The following ZNF875 variants were observed in gnomAD, a reference collection of about 807,000 sequenced individuals.
ZNF875 encodes zinc finger protein 875.
ZNF875 carries 14 observed loss-of-function variants against 11.2 expected under a neutral mutation model. That is an observed-to-expected ratio of 1.26 (90% CI 0.83 to 1.96). The LOEUF (loss-of-function observed/expected upper bound fraction) is 1.96. Ranked by LOEUF, ZNF875 falls within the 30% of genes most tolerant of loss-of-function variation. The probability of loss-of-function intolerance (pLI) is 0.00; values close to 1 mark genes in which losing one functional copy is unlikely to be tolerated. For missense variants in ZNF875, 752 were observed against 760.4 expected (o/e 0.99, Z 0.13); for synonymous variants, 301 against 281.1 (o/e 1.07, Z -0.71).
intron 2 of ZNF875, among the ~76,000 whole-genome samples, chr19:37,343,110 G>A (rs888967985): frequency 2.0e-5 from 3 of 152,084 alleles, no homozygotes; most frequent in Admixed American, 6.6e-5. Context: ...AGGCCGAGGC[G>A]GGCGGATCAT....
chr19:37,333,125 G>C (rs2033658182), upstream of ZNF875, among the ~76,000 whole-genome samples: 1 of 152,032 alleles, frequency 6.6e-6, no homozygotes, highest in Non-Finnish European at 1.5e-5. Flanking sequence ...GTTACATTAT[G>C]TTTGATTTAT....
In ZNF875 at chr19:37,363,401, G is replaced by T. The variant is rs374237980; in HGVS notation, c.1549G>T (p.Asp517Tyr). Residue 517 changes from aspartate to tyrosine, a missense_variant, in exon 5 of 5, where the codon GAT becomes TAT. Coordinates refer to ENST00000392153, the MANE Select transcript of ZNF875 (RefSeq NM_001353803.2). ...TGCTGAGTGTGGACGAGGCTTTAAT[G>T]ATAAGTCCACCCTCATTTCACACCA... is the stretch of plus-strand genomic sequence containing the variant. ...VCAECGRGFN[D>Y]KSTLISHQRT... 5.1e-5 allele frequency: 83 copies of T among 1,612,704 alleles called. No individual in the cohort carries two copies. Among genetic ancestry groups the T allele is most frequent in the Middle Eastern group, 3.3e-4 (2 of 6,054 alleles).
At chr19:37,339,338 T>G (rs988571638) in intron 2 of ZNF875, among the ~76,000 whole-genome samples, 15 of 152,138 alleles carry the variant, frequency 9.9e-5, no homozygotes, top group Admixed American at 2.0e-4. Context: ...AGTAATCCAT[T>G]GAATGGATGA....
At position 37,363,556 on chromosome 19, in the gene ZNF875, C is replaced by G; in HGVS notation, c.1704C>G (p.Gly568=). 1.2e-6 allele frequency: 2 copies of G among 1,613,222 alleles called. No homozygotes were observed. The highest frequency in any genetic ancestry group is 1.7e-6 in the Non-Finnish European group (2 of 1,179,450). ...GAFVCRECGQ[G]FCAKLTLIKH... ...TTGTGTGCAGGGAGTGTGGGCAAGG[C>G]TTTTGTGCTAAGTTAACTCTCATTA... Residue 568 remains glycine (G), a synonymous_variant, in exon 5 of 5, where the codon GGC becomes GGG. Transcript: ENST00000392153.
intron 4 of ZNF875, among the ~76,000 whole-genome samples, chr19:37,325,574 C>CT (rs2032291707): frequency 1.3e-5 from 2 of 149,152 alleles, no homozygotes; most frequent in African/African-American, 5.0e-5. Flanking sequence ...GAGACAGGGT[C>CT]TTGCTTTGTT....
chr19:37,345,945 C>T (rs2036674760), intron 2 of ZNF875, among the ~76,000 whole-genome samples: 1 of 152,136 alleles, frequency 6.6e-6, no homozygotes, highest in African/African-American at 2.4e-5. Flanking sequence ...TCGTTTGAAA[C>T]TTTGTTGCTT....
rs147968672 is a variant in ZNF875 at position 37,363,449 on chromosome 19, C to T, written c.1597C>T (p.Pro533Ser). The T allele has an allele frequency of 2.5e-6, 4 of 1,614,152 alleles. No homozygotes were observed. The highest frequency in any genetic ancestry group is 1.1e-5 in the South Asian group (1 of 91,088). Reference sequence around the variant, plus strand: ...CCAGAGGACACATTCAGGGGAAAAGCCTTTTATGTGCAGGGAGTGTGGCAG... The same window carrying T: ...CCAGAGGACACATTCAGGGGAAAAGTCTTTTATGTGCAGGGAGTGTGGCAG... ...SHQRTHSGEK[P>S]FMCRECGRRF... Residue 533 changes from proline to serine, a missense_variant, in exon 5 of 5, where the codon CCT becomes TCT. Coordinates refer to ENST00000392153, the MANE Select transcript of ZNF875 (RefSeq NM_001353803.2).
intron 4 of ZNF875, among the ~76,000 whole-genome samples, chr19:37,358,853 T>A (rs949975180): frequency 6.6e-6 from 1 of 151,998 alleles, no homozygotes; most frequent in Non-Finnish European, 1.5e-5. Flanking sequence ...TACTGAGGTA[T>A]AATTTACATG....
At chr19:37,345,684 C>G (rs2036625183) in intron 2 of ZNF875, among the ~76,000 whole-genome samples, 1 of 152,096 alleles carries the variant, frequency 6.6e-6, no homozygotes, top group Non-Finnish European at 1.5e-5. Flanking sequence ...TTTAACATAA[C>G]CCATAGATTG....
intron 1 of ZNF875, chr19:37,318,206 A>G (rs1035214158): frequency 2.0e-5 from 3 of 153,026 alleles, no homozygotes; most frequent in African/African-American, 7.2e-5. Flanking sequence ...GGACTTTTTC[A>G]GCCCACTCGG....
chr19:37,347,329 TC>T lies in ZNF875; in HGVS notation c.160+16del. Reference sequence around the variant, plus strand: ...CTGGTCTCACTGGGTAAGAATGGCCTCCCTTGGCACTTAAAATCTGCCCTAC... The same window carrying T: ...CTGGTCTCACTGGGTAAGAATGGCCTCCTTGGCACTTAAAATCTGCCCTAC... On this transcript the variant is annotated intron_variant, in intron 3 of 4. Transcript: ENST00000392153. 6.2e-7 allele frequency: 1 copy of T among 1,607,290 alleles called. No homozygotes were observed. Among genetic ancestry groups the T allele is most frequent in the East Asian group, 2.2e-5 (1 of 44,804 alleles).
intron 2 of ZNF875, among the ~76,000 whole-genome samples, chr19:37,323,156 T>C (rs965513236): frequency 3.0e-4 from 40 of 135,378 alleles, no homozygotes; most frequent in African/African-American, 1.3e-3. Context: ...CGGTCTGATA[T>C]TTCCTTTTTT....
At chr19:37,356,598 A>G (rs2038953323) in intron 4 of ZNF875, among the ~76,000 whole-genome samples, 1 of 151,690 alleles carries the variant, frequency 6.6e-6, no homozygotes, top group Non-Finnish European at 1.5e-5. Flanking sequence ...AGCATTTTTT[A>G]TGTTTGCTCC....
chr19:37,351,409 T>G (rs1386017981), intron 4 of ZNF875, among the ~76,000 whole-genome samples: 4 of 152,196 alleles, frequency 2.6e-5, no homozygotes, highest in African/African-American at 9.6e-5. Context: ...TTCTGTAGTA[T>G]TAATCTATAT....
At chr19:37,346,173 A>G (rs1184458505) in intron 2 of ZNF875, 1 of 152,210 alleles carries the variant, frequency 6.6e-6, no homozygotes, top group Non-Finnish European at 1.5e-5. Context: ...CCCGCATGAG[A>G]GCATGGAATT....
At chr19:37,319,763 C>T (rs1453394506) in intron 1 of ZNF875, among the ~76,000 whole-genome samples, 1 of 152,164 alleles carries the variant, frequency 6.6e-6, no homozygotes, top group Non-Finnish European at 1.5e-5. Context: ...ATCCCTCTGA[C>T]CTCCCTGCTG....
rs2031608650 is a variant in ZNF875 at position 37,322,184 on chromosome 19, G to A, written c.-746-1G>A. 1.3e-5 allele frequency: 2 copies of A among 152,118 alleles called. No individual in the cohort carries two copies. Among genetic ancestry groups the A allele is most frequent in the South Asian group, 2.1e-4 (1 of 4,836 alleles). 9.4% of individuals were successfully genotyped at this position (152,118 alleles called of 1,614,324 possible). A position where few individuals can be genotyped will look rare whatever the true frequency, so the allele number is the denominator to read the frequency against. Reference sequence around the variant, plus strand: ...TTGTGCTGATATTCTCACCTCAATAGGAATCAGGAGCTTCTTTTGCTGTTC... The same window carrying A: ...TTGTGCTGATATTCTCACCTCAATAAGAATCAGGAGCTTCTTTTGCTGTTC... On this transcript the variant is annotated splice_acceptor_variant, in intron 1 of 5. Coordinates refer to the ZNF875 transcript ENST00000544914. LOFTEE classifies it low-confidence loss of function (5UTR_SPLICE).
At chr19:37,314,271 C>T (rs2030087197), upstream of ZNF875, among the ~76,000 whole-genome samples, 1 of 151,974 alleles carries the variant, frequency 6.6e-6, no homozygotes, top group African/African-American at 2.4e-5. Context: ...ACCAATACGC[C>T]CACCTAATTA....
At chr19:37,317,684 C>T (rs2030329990), upstream of ZNF875, among the ~76,000 whole-genome samples, 2 of 152,254 alleles carry the variant, frequency 1.3e-5, no homozygotes, top group South Asian at 4.1e-4. Context: ...AAAGTTTTTG[C>T]TGCGCATGTA....
Sources: allele counts gnomAD v4.1 joint callset (sites outside exome capture counted in the v4.1 genomes callset), GRCh38; gene constraint gnomAD v4.1.1; transcripts MANE v1.5; gene names NCBI Gene and HGNC (gene_info 2026-07-23, HGNC 2026-07-21).